MTREX: variants seen among roughly 807,000 people sequenced by gnomAD.
The protein encoded by MTREX is Mtr4 exosome RNA helicase.
MTREX carries 76 observed loss-of-function variants against 135.4 expected under a neutral mutation model. The observed-to-expected ratio is 0.56, with a 90% CI of 0.47 to 0.68. The LOEUF is 0.68. Among genes scored for constraint, MTREX ranks in the 30% least tolerant of loss-of-function variants. The probability of loss-of-function intolerance (pLI) is 0.00; values close to 1 mark genes in which losing one functional copy is unlikely to be tolerated. For missense variants in MTREX, 920 were observed against 1,262.1 expected, an observed-to-expected ratio of 0.73 and a Z score of 4.11; for synonymous variants, 404 against 401.6, an observed-to-expected ratio of 1.01 and a Z score of -0.07.
chr5:55,422,567 C>T (rs896940371), intron 25 of MTREX, among the ~76,000 whole-genome samples: 1 of 152,220 alleles, frequency 6.6e-6, no homozygotes, highest in South Asian at 2.1e-4. Context: ...CTGGTTCTTA[C>T]AGACACAGAT....
intron 22 of MTREX, among the ~76,000 whole-genome samples, chr5:55,408,124 A>T (rs1469736179): frequency 6.6e-6 from 1 of 152,000 alleles, no homozygotes; most frequent in Non-Finnish European, 1.5e-5. Flanking sequence ...TTTAGAATAG[A>T]TTCCATAATT....
chr5:55,357,472 C>A, intron 14 of MTREX: 1 of 156,844 alleles, frequency 6.4e-6, no homozygotes, highest in South Asian at 1.9e-4. Flanking sequence ...TGACCAGATC[C>A]AGCTAGACAT....
intron 25 of MTREX, among the ~76,000 whole-genome samples, chr5:55,418,037 A>G (rs891789300): frequency 2.0e-5 from 3 of 151,708 alleles, no homozygotes; most frequent in African/African-American, 7.3e-5. Flanking sequence ...AATCGAGACC[A>G]TCCTGGCTAA....
rs182628097 is a variant in MTREX at position 55,362,392 on chromosome 5, G to A, written c.1659+3694G>A. ...GTTTTTTGTTTTGAGACAGTTTCTC[G>A]CTCTGTCACCCAGGCTGGAGTGCAG... On this transcript the variant is annotated intron_variant, in intron 15 of 26. Transcript: ENST00000230640. 5.2e-4 allele frequency among the ~76,000 whole-genome samples: 79 copies of A among 151,758 alleles called. No individual in the cohort carries two copies. The East Asian group carries it at 0.014, about 26-fold the overall frequency.
At chr5:55,421,004 A>G (rs750054735) in intron 25 of MTREX, among the ~76,000 whole-genome samples, 56 of 152,338 alleles carry the variant, frequency 3.7e-4, no homozygotes, top group African/African-American at 1.3e-3. Flanking sequence ...TTTAAAGACA[A>G]TAACTAGAAA....
chr5:55,330,024 T>C (rs1396462908), intron 5 of MTREX, among the ~76,000 whole-genome samples: 1 of 152,022 alleles, frequency 6.6e-6, no homozygotes, highest in Non-Finnish European at 1.5e-5. Context: ...AATTTATTAA[T>C]CTTTGCTTCT....
chr5:55,401,846 A>G (rs1750727481), intron 21 of MTREX, among the ~76,000 whole-genome samples: 1 of 152,170 alleles, frequency 6.6e-6, no homozygotes, highest in African/African-American at 2.4e-5. Context: ...ACTGGAATGT[A>G]TTATACTATA....
Position 55,424,726 on chromosome 5 carries a change from C to A in MTREX, c.3083C>A (p.Thr1028Asn), listed in dbSNP as rs1751122436. 1.2e-6 allele frequency: 2 copies of A among 1,610,662 alleles called. No individual in the cohort carries two copies. The highest frequency in any genetic ancestry group is 8.5e-7 in the Non-Finnish European group (1 of 1,177,038). ...TTACTTTCTTTTCTCTTAGGAATCA[C>A]CAAAATCAAGAGAGATATTGTGTTT... ...ELENKFAEGITKIKRDIVFAA... is the reference protein window; with the variant it reads ...ELENKFAEGINKIKRDIVFAA... The change falls in exon 27 of 27, where the codon ACC becomes AAC. Residue 1028 changes from threonine to asparagine, a missense_variant. Around this residue, in one of 6 missense-constraint regions of MTREX, gnomAD observed 467 missense variants for 589.7 expected, o/e 0.79. Coordinates refer to ENST00000230640, the MANE Select transcript of MTREX (RefSeq NM_015360.5).
At chr5:55,401,380 C>T (rs1245537111) in intron 21 of MTREX, among the ~76,000 whole-genome samples, 6 of 152,190 alleles carry the variant, frequency 3.9e-5, no homozygotes. Context: ...ATTTTGTTTA[C>T]CCATTCATCA....
intron 16 of MTREX, among the ~76,000 whole-genome samples, chr5:55,370,296 A>G (rs1369662007): frequency 1.3e-5 from 2 of 152,154 alleles, no homozygotes; most frequent in Non-Finnish European, 2.9e-5. Flanking sequence ...TTAGAAGTAT[A>G]TCTCTGGCTG....
At position 55,342,600 on chromosome 5, in the gene MTREX, C is replaced by G. The variant is rs558696683; in HGVS notation, c.782-731C>G. On this transcript the variant is annotated intron_variant, in intron 7 of 26. Transcript: ENST00000230640. ...AGGGTGCTGGCAGGGCTAACGTTAA[C>G]AAACACATTGAAAAGTTAAATGTTT... Among the ~76,000 whole-genome samples, 11 of 152,238 alleles carry G rather than the reference C, an allele frequency of 7.2e-5. 1 individual carries two copies. In the South Asian group the frequency reaches 2.3e-3, roughly 32 times the overall value.
At chr5:55,357,431 C>G in intron 14 of MTREX, 1 of 154,970 alleles carries the variant, frequency 6.5e-6, no homozygotes, top group East Asian at 1.9e-4. Flanking sequence ...ATACATACCA[C>G]TCTGAGTGCC....
At chr5:55,315,005 A>G (rs1381222762) in intron 1 of MTREX, among the ~76,000 whole-genome samples, 3 of 152,166 alleles carry the variant, frequency 2.0e-5, no homozygotes, top group Non-Finnish European at 4.4e-5. Context: ...TGGTTTCCTA[A>G]CAGGCCATGA....
At chr5:55,332,921 G>A (rs945740528) in intron 5 of MTREX, among the ~76,000 whole-genome samples, 2 of 151,372 alleles carry the variant, frequency 1.3e-5, no homozygotes, top group Non-Finnish European at 2.9e-5. Context: ...GGCTTATCTG[G>A]TCATTGTGTT....
chr5:55,334,670 G>T, intron 5 of MTREX, among the ~76,000 whole-genome samples: 1 of 151,982 alleles, frequency 6.6e-6, no homozygotes, highest in East Asian at 1.9e-4. Flanking sequence ...GTACAATTGT[G>T]CAACCCTTAC....
rs569107383 is a variant in MTREX at position 55,369,138 on chromosome 5, T to C, written c.1810+2263T>C. On this transcript the variant is annotated intron_variant, in intron 16 of 26. Coordinates refer to ENST00000230640, the MANE Select transcript of MTREX (RefSeq NM_015360.5). ...AAATTTTATTTTATTTTATTAAAAA[T>C]AAAAATAATAAAGATGAACAAGGTT... is the stretch of plus-strand genomic sequence containing the variant. 5.9e-5 allele frequency among the ~76,000 whole-genome samples: 9 copies of C among 151,834 alleles called. No individual in the cohort carries two copies. The East Asian group carries it at 1.7e-3, about 29-fold the overall frequency.
In MTREX at chr5:55,388,051, A is replaced by T; in HGVS notation, c.2130A>T (p.Ser710=). 6.2e-7 allele frequency: 1 copy of T among 1,609,380 alleles called. No homozygotes were observed. Among genetic ancestry groups the T allele is most frequent in the Middle Eastern group, 1.7e-4 (1 of 6,044 alleles). ...LRCSKESLKN[S]ATEAAKPAKP... is the part of the protein sequence containing the mutation. ...GTAGCAAAGAGAGCTTGAAAAATTC[A>T]GCTACAGAAGCTGCAAAACCAGCTA... Residue 710 remains serine, a synonymous_variant, in exon 19 of 27, where the codon TCA becomes TCT. Transcript: ENST00000230640.
intron 6 of MTREX, 90 bp from the exon 7 acceptor site, chr5:55,341,591 A>G (rs986239770): frequency 1.9e-5 from 11 of 590,774 alleles, no homozygotes; most frequent in Non-Finnish European, 2.9e-5. Context: ...AAGAATATCC[A>G]AAATTCCTTG....
chr5:55,391,772 C>T (rs1750571136), intron 19 of MTREX, among the ~76,000 whole-genome samples: 1 of 152,178 alleles, frequency 6.6e-6, no homozygotes. Flanking sequence ...CACCTATAAC[C>T]TGTGGGCCCC....
Sources: allele counts gnomAD v4.1 joint callset (sites outside exome capture counted in the v4.1 genomes callset), GRCh38; gene constraint gnomAD v4.1.1; regional missense constraint gnomAD v4.1.1; transcripts MANE v1.5; gene names NCBI Gene and HGNC (gene_info 2026-07-23, HGNC 2026-07-21).